The following LMX1A variants were observed in gnomAD, a reference collection of about 807,000 sequenced individuals.
LMX1A encodes the protein LIM homeobox transcription factor 1-alpha.
In LMX1A, 15 loss-of-function variants were observed where a neutral mutation model predicts 49.1. The observed-to-expected ratio is 0.31, with a 90% CI of 0.20 to 0.47. The LOEUF is 0.47. Among genes scored for constraint, LMX1A ranks in the 20% least tolerant of loss-of-function variants. The pLI is 1.00. For synonymous variants in LMX1A, 167 were observed against 185.7 expected, an observed-to-expected ratio of 0.90 and a Z score of 0.82; for missense variants, 372 against 475.8, an observed-to-expected ratio of 0.78 and a Z score of 2.03.
chr1:165,338,463 G>C lies in LMX1A; in HGVS notation c.263+14613C>G, dbSNP rs531741008. On this transcript the variant is annotated intron_variant, in intron 3 of 8. Coordinates refer to ENST00000342310, the MANE Select transcript of LMX1A (RefSeq NM_177398.4). The stretch of plus-strand genomic sequence containing the variant: ...ATTTACCTGAGCTGATATTAACTAG[G>C]TTTGGCTACTAATGGCTTTCCAACA... 2.6e-5 allele frequency among the ~76,000 whole-genome samples: 4 copies of C among 152,290 alleles called. No individual in the cohort carries two copies. The South Asian group carries it at 8.3e-4, about 32-fold the overall frequency.
rs1297571062 is a variant in LMX1A, at chr1:165,355,042, G to A, written c.76+442C>T. Among the ~76,000 whole-genome samples the A allele has an allele frequency of 6.6e-6, 1 of 152,100 alleles. No individual in the cohort carries two copies. The highest frequency in any genetic ancestry group is 1.5e-5 in the Non-Finnish European group (1 of 68,032). On this transcript the variant is annotated intron_variant, in intron 2 of 8. Transcript: ENST00000342310. The surrounding 1 kb of genome is among the most constrained non-coding windows in gnomAD (Gnocchi z 4.7). ...AAAGTCTCTCTCGGCCTTGCCCATG[G>A]CTGAAATTGGGGCTGGAGTTGGTGG... is the stretch of plus-strand genomic sequence containing the variant.
intron 3 of LMX1A, among the ~76,000 whole-genome samples, chr1:165,260,137 C>T (rs1288515119): frequency 6.6e-6 from 1 of 152,144 alleles, no homozygotes; most frequent in African/African-American, 2.4e-5. Flanking sequence ...TTGAAAATGT[C>T]AGTTTTCCTT....
chr1:165,322,257 A>C (rs1655408277), intron 3 of LMX1A, among the ~76,000 whole-genome samples: 1 of 152,146 alleles, frequency 6.6e-6, no homozygotes, highest in South Asian at 2.1e-4. Context: ...GCTGTGGAAA[A>C]CAGTTTGACA....
At chr1:165,235,293 T>C (rs969457678) in intron 4 of LMX1A, among the ~76,000 whole-genome samples, 8 of 152,042 alleles carry the variant, frequency 5.3e-5, no homozygotes, top group Non-Finnish European at 1.2e-4. Context: ...TCTTCACTAG[T>C]GCATGTGCGA....
intron 3 of LMX1A, among the ~76,000 whole-genome samples, chr1:165,257,420 G>A (rs1653289303): frequency 6.8e-6 from 1 of 147,648 alleles, no homozygotes; most frequent in South Asian, 2.1e-4. Context: ...CAGACATGTA[G>A]GTAGGTGAAA....
intron 7 of LMX1A, 117 bp from the exon 8 acceptor site, chr1:165,206,151 C>A: frequency 1.1e-6 from 1 of 922,320 alleles, no homozygotes; most frequent in South Asian, 2.0e-5. Context: ...TCAGTGGTCC[C>A]AGCCTTTGTC....
At chr1:165,213,862 G>T (rs751508714) in intron 4 of LMX1A, 49 bp from the exon 5 acceptor site, 2 of 1,572,288 alleles carry the variant, frequency 1.3e-6, no homozygotes, top group African/African-American at 2.7e-5. Context: ...GCCAGTTCCT[G>T]GAGCTGTATG....
Position 165,249,390 on chromosome 1 carries a change from C to T in LMX1A, c.496+18G>A, listed in dbSNP as rs1291454798. On this transcript the variant is annotated intron_variant, in intron 4 of 8. Transcript: ENST00000342310. ...TCTACCCACCCCACCGCAGCCCTGCCCACCACCTGGCACTCACCTGAGTCT... is the reference window on the plus strand; with the variant it reads ...TCTACCCACCCCACCGCAGCCCTGCTCACCACCTGGCACTCACCTGAGTCT... The T allele has an allele frequency of 6.3e-7, 1 of 1,590,922 alleles. No individual in the cohort carries two copies. Among genetic ancestry groups the T allele is most frequent in the East Asian group, 2.2e-5 (1 of 44,752 alleles).
rs760762235 is a variant in LMX1A, at chr1:165,213,687, C to T, written c.623G>A (p.Arg208Gln). Reference sequence around the variant, plus strand: ...TACTTCAAATGAGGCCTTGAATGCTCGCCTCTGTTGAGTTGTCAAGATGGT... The same window carrying T: ...TACTTCAAATGAGGCCTTGAATGCTTGCCTCTGTTGAGTTGTCAAGATGGT... ...PRTILTTQQR[R>Q]AFKASFEVSS... The change falls in exon 5 of 9, where the codon CGA (arginine) becomes CAA (glutamine). Residue 208 changes from arginine (R) to glutamine (Q), a missense_variant. By Grantham distance (43) the Arg-to-Gln change is conservative. This residue lies in a region of LMX1A where 46 missense variants were observed against 93.8 expected (regional missense o/e 0.49). Coordinates refer to ENST00000342310, the MANE Select transcript of LMX1A (RefSeq NM_177398.4). 8.7e-6 allele frequency: 14 copies of T among 1,614,182 alleles called. No homozygotes were observed. The highest frequency in any genetic ancestry group is 1.1e-5 in the Non-Finnish European group (13 of 1,180,032).
At chr1:165,210,845 A>G in intron 5 of LMX1A, 69 bp from the exon 6 acceptor site, 1 of 1,167,074 alleles carries the variant, frequency 8.6e-7, no homozygotes, top group South Asian at 1.3e-5. Context: ...CATCTCCTAT[A>G]TAATACTTGA....
At chr1:165,278,048 A>G (rs1273770432) in intron 3 of LMX1A, among the ~76,000 whole-genome samples, 6 of 152,212 alleles carry the variant, frequency 3.9e-5, no homozygotes. Flanking sequence ...TAGGAGATAT[A>G]AATTGTTTTT....
At position 165,353,269 on chromosome 1, in the gene LMX1A, C is replaced by A. The variant is rs1321470471; in HGVS notation, c.77-7G>T. 1 of 1,608,962 alleles carries A rather than the reference C, an allele frequency of 6.2e-7. No homozygotes were observed. Among genetic ancestry groups the A allele is most frequent in the Non-Finnish European group, 8.5e-7 (1 of 1,179,276 alleles). The stretch of plus-strand genomic sequence containing the variant: ...TTGGGGCTCACCGCTCTGCCTGTAG[C>A]CACAACAGACGTTGGCGGGTGAGCA... On this transcript the variant is annotated splice_region_variant and splice_polypyrimidine_tract_variant and intron_variant, in intron 2 of 8. Coordinates refer to ENST00000342310, the MANE Select transcript of LMX1A (RefSeq NM_177398.4).
At chr1:165,343,146 C>G (rs776214542) in intron 3 of LMX1A, among the ~76,000 whole-genome samples, 3 of 152,138 alleles carry the variant, frequency 2.0e-5, no homozygotes, top group Non-Finnish European at 4.4e-5. Flanking sequence ...AAGCATTGAT[C>G]TGCATGCATT....
chr1:165,296,498 C>T (rs975573805), intron 3 of LMX1A, among the ~76,000 whole-genome samples: 4 of 152,262 alleles, frequency 2.6e-5, no homozygotes, highest in Non-Finnish European at 4.4e-5. Context: ...GGAGAAGGGC[C>T]TGCTCTTAGA....
rs140651160 is a variant in LMX1A, at chr1:165,220,612, T to C, written c.497-6799A>G. ...AGGTTTCATGCAAGGCTTGTCTACTTCCAGGACCAGGCCCAGAGGCACCCC... is the reference window on the plus strand; with the variant it reads ...AGGTTTCATGCAAGGCTTGTCTACTCCCAGGACCAGGCCCAGAGGCACCCC... On this transcript the variant is annotated intron_variant, in intron 4 of 8. Transcript: ENST00000342310. Among the ~76,000 whole-genome samples, 941 of 152,284 alleles carry C rather than the reference T, an allele frequency of 6.2e-3. 18 individuals carry two copies. The highest frequency in any genetic ancestry group is 0.022 in the African/African-American group (905 of 41,544).
chr1:165,219,497 G>A (rs893104286), intron 4 of LMX1A, among the ~76,000 whole-genome samples: 1 of 152,150 alleles, frequency 6.6e-6, no homozygotes, highest in Non-Finnish European at 1.5e-5. Flanking sequence ...AGGATATATA[G>A]GAAGCTATTT....
intron 3 of LMX1A, 136 bp from the exon 4 acceptor site, chr1:165,249,776 A>G (rs1375154750): frequency 1.2e-5 from 8 of 666,088 alleles, no homozygotes; most frequent in Non-Finnish European, 1.1e-5. Context: ...CTTTAAATCC[A>G]GGTTATTTAT....
chr1:165,298,120 A>T (rs1654669269), intron 3 of LMX1A, among the ~76,000 whole-genome samples: 2 of 152,246 alleles, frequency 1.3e-5, no homozygotes, highest in African/African-American at 4.8e-5. Flanking sequence ...CCAGAGGGGC[A>T]TCTCCTTGGG....
At position 165,249,587 on chromosome 1, in the gene LMX1A, A is replaced by C; in HGVS notation, c.317T>G (p.Phe106Cys). 6.2e-7 allele frequency: 1 copy of C among 1,614,208 alleles called. No individual in the cohort carries two copies. Among genetic ancestry groups the C allele is most frequent in the South Asian group, 1.1e-5 (1 of 91,074 alleles). Residue 106 changes from phenylalanine (F) to cysteine (C), a missense_variant, in exon 4 of 9, where the codon TTT (phenylalanine) becomes TGT (cysteine). Phe to Cys is a radical substitution (Grantham distance 205). Transcript: ENST00000342310. ...GCFEAIAPNEFVMRAQKSVYH... is the reference protein window; with the variant it reads ...GCFEAIAPNECVMRAQKSVYH... ...TACACTCTTCTGGGCCCGCATAACA[A>C]ACTCATTGGGAGCGATGGCCTCGAA...
Sources: gnomAD v4.1 joint callset for allele counts (sites outside exome capture counted in the v4.1 genomes callset) on GRCh38, gnomAD v4.1.1 for gene constraint, gnomAD v4.1.1 regional missense constraint, Gnocchi (gnomAD v3.1) non-coding constraint, MANE v1.5 for transcripts, NCBI Gene and HGNC (gene_info 2026-07-23, HGNC 2026-07-21) for gene names.